Variants in NHSL1 observed in about 807,000 individuals in gnomAD.
NHSL1 encodes NHS like 1, also known as NHS-like protein 1.
In NHSL1, 48 loss-of-function variants were observed where a neutral mutation model predicts 95.0. The observed-to-expected ratio is 0.51, with a 90% confidence interval of 0.40 to 0.64. The LOEUF (loss-of-function observed/expected upper bound fraction) is 0.64. NHSL1 is among the 30% of genes least tolerant of loss of function. The pLI, the probability that NHSL1 is intolerant of heterozygous loss-of-function variation, is 0.00. For missense variants in NHSL1, 1,971 were observed against 2,077.7 expected (o/e 0.95, Z 1.00); for synonymous variants, 783 against 833.9 (o/e 0.94, Z 1.05).
chr6:138,603,688 C>T (rs961509904), intron 1 of NHSL1, among the ~76,000 whole-genome samples: 1 of 152,306 alleles, frequency 6.6e-6, no homozygotes, highest in Admixed American at 6.5e-5. Context: ...CCTTCTCGTA[C>T]TTTAAGTCTC....
At chr6:138,454,332 G>A (rs1049512096) in intron 3 of NHSL1, among the ~76,000 whole-genome samples, 1 of 152,082 alleles carries the variant, frequency 6.6e-6, no homozygotes, top group Non-Finnish European at 1.5e-5. Context: ...TTTCACTGGG[G>A]TATACATTCC....
upstream of NHSL1, among the ~76,000 whole-genome samples, chr6:138,503,205 C>T (rs1780779553): frequency 6.6e-6 from 1 of 152,214 alleles, no homozygotes; most frequent in Non-Finnish European, 1.5e-5. Context: ...CTTCCAACCA[C>T]CCAGCTCTTG....
chr6:138,677,509 G>A (rs1458399332), intron 1 of NHSL1, among the ~76,000 whole-genome samples: 1 of 152,148 alleles, frequency 6.6e-6, no homozygotes, highest in Non-Finnish European at 1.5e-5. Flanking sequence ...TACCTCAAAA[G>A]AACAAACGGG....
intron 1 of NHSL1, among the ~76,000 whole-genome samples, chr6:138,565,787 T>TAAAATAAAAA (rs1783591344): frequency 6.6e-6 from 1 of 151,016 alleles, no homozygotes; most frequent in Admixed American, 6.6e-5. Flanking sequence ...TAAAATAAAA[T>TAAAATAAAAA]AAAAAATTAG....
At position 138,610,544 on chromosome 6, in the gene NHSL1, A is replaced by T. The variant is rs554924409; in HGVS notation, c.96+81932T>A. Among the ~76,000 whole-genome samples, 241 of 113,828 alleles carry T rather than the reference A, an allele frequency of 2.1e-3. 3 individuals carry two copies. The highest frequency in any genetic ancestry group is 2.0e-3 in the Non-Finnish European group (121 of 60,284). The allele number at this position is 113,828 out of a possible 152,430, so 74.7% of individuals were successfully genotyped here. A position where few individuals can be genotyped will look rare whatever the true frequency, so the allele number is the denominator to read the frequency against. ...CCCTAGAACTAAAAGTATAATAATAAAAAAATATATATATATTATATATAT... is the reference window on the plus strand; with the variant it reads ...CCCTAGAACTAAAAGTATAATAATATAAAAATATATATATATTATATATAT... On this transcript the variant is annotated intron_variant, in intron 1 of 3. Coordinates refer to the NHSL1 transcript ENST00000491526.
intron 1 of NHSL1, among the ~76,000 whole-genome samples, chr6:138,596,238 A>G (rs890064136): frequency 2.6e-5 from 4 of 152,136 alleles, no homozygotes; most frequent in Non-Finnish European, 2.9e-5. Flanking sequence ...AGGACTGAAC[A>G]ACGAAGAGGT....
chr6:138,568,073 T>A (rs895170000), intron 1 of NHSL1, among the ~76,000 whole-genome samples: 3 of 152,212 alleles, frequency 2.0e-5, no homozygotes, highest in African/African-American at 7.2e-5. Flanking sequence ...GTCATTAGTT[T>A]TCCTCAAGGA....
intron 1 of NHSL1, among the ~76,000 whole-genome samples, chr6:138,506,387 C>A (rs1224624200): frequency 6.6e-6 from 1 of 152,080 alleles, no homozygotes; most frequent in African/African-American, 2.4e-5. Context: ...ATTATTGAAG[C>A]TGCAAAGCAA....
At chr6:138,679,940 T>C (rs1418269573) in intron 1 of NHSL1, among the ~76,000 whole-genome samples, 4 of 152,114 alleles carry the variant, frequency 2.6e-5, no homozygotes, top group African/African-American at 7.2e-5. Context: ...CATATAAATA[T>C]ATTGGCCAAA....
chr6:138,480,065 A>G (rs564256976), intron 2 of NHSL1, among the ~76,000 whole-genome samples: 8 of 152,174 alleles, frequency 5.3e-5, no homozygotes, highest in Non-Finnish European at 1.0e-4. Context: ...GGGATGCTAA[A>G]AGAAAAAAAG....
At chr6:138,527,018 T>C (rs1781932735) in intron 1 of NHSL1, among the ~76,000 whole-genome samples, 1 of 152,202 alleles carries the variant, frequency 6.6e-6, no homozygotes, top group South Asian at 2.1e-4. Flanking sequence ...AACGGCACTC[T>C]ACCCTGTCAT....
intron 3 of NHSL1, among the ~76,000 whole-genome samples, chr6:138,465,577 A>G (rs1778305622): frequency 6.6e-6 from 1 of 152,218 alleles, no homozygotes; most frequent in Non-Finnish European, 1.5e-5. Flanking sequence ...CCAAACACTT[A>G]TAACAGCAGG....
At chr6:138,652,951 C>A (rs546144740) in intron 1 of NHSL1, among the ~76,000 whole-genome samples, 4 of 152,322 alleles carry the variant, frequency 2.6e-5, no homozygotes, top group African/African-American at 9.6e-5. Flanking sequence ...GCTAAATAGT[C>A]TAAATTAGTT....
At chr6:138,677,557 C>T (rs1342804370) in intron 1 of NHSL1, among the ~76,000 whole-genome samples, 2 of 152,116 alleles carry the variant, frequency 1.3e-5, no homozygotes, top group Non-Finnish European at 2.9e-5. Flanking sequence ...GATAATGAAG[C>T]GTTAGTTCTT....
At chr6:138,464,114 C>A in intron 3 of NHSL1, 1 of 522,436 alleles carries the variant, frequency 1.9e-6, no homozygotes, top group Non-Finnish European at 3.5e-6. Context: ...TTCAGCTATC[C>A]TCACCGCTAT....
At chr6:138,509,375 C>T (rs951491765) in intron 1 of NHSL1, among the ~76,000 whole-genome samples, 2 of 152,198 alleles carry the variant, frequency 1.3e-5, no homozygotes, top group African/African-American at 2.4e-5. Context: ...TAGCTAAGTG[C>T]TTTATACTCT....
chr6:138,477,427 G>T (rs1481741366), intron 2 of NHSL1, among the ~76,000 whole-genome samples: 3 of 152,024 alleles, frequency 2.0e-5, no homozygotes, highest in East Asian at 1.9e-4. Flanking sequence ...TAATGAGACC[G>T]CATTTCTAGA....
chr6:138,459,925 T>A lies in NHSL1; in HGVS notation c.340-12732A>T, dbSNP rs80164878. On this transcript the variant is annotated intron_variant, in intron 3 of 7. Transcript: ENST00000343505. ...TAAACCCAGGTTGATTTTGGAATAT[T>A]TCTTTTAATGAGCTGTCAGATTACG... Among the ~76,000 whole-genome samples, 1,490 of 152,332 alleles carry A rather than the reference T, an allele frequency of 9.8e-3. 27 individuals are homozygous for A. Among genetic ancestry groups the A allele is most frequent in the African/African-American group, 0.034 (1,423 of 41,582 alleles).
chr6:138,463,269 TCATG>T (rs1562295625), intron 3 of NHSL1, among the ~76,000 whole-genome samples: 3 of 152,122 alleles, frequency 2.0e-5, no homozygotes, highest in African/African-American at 7.2e-5. Flanking sequence ...ATCAATCAGA[TCATG>T]TTACTTCCCT....
Sources: allele counts gnomAD v4.1 joint callset (sites outside exome capture counted in the v4.1 genomes callset), GRCh38; gene constraint gnomAD v4.1.1; transcripts MANE v1.5; gene names NCBI Gene and HGNC (gene_info 2026-07-23, HGNC 2026-07-21).